LRRTM4: variants seen among roughly 807,000 people sequenced by gnomAD.
The protein encoded by LRRTM4 is leucine rich repeat transmembrane neuronal 4, also known as leucine-rich repeat transmembrane neuronal protein 4.
In LRRTM4, 25 loss-of-function variants were observed where a neutral mutation model predicts 47.6. That is an observed-to-expected ratio of 0.53 (90% confidence interval 0.38 to 0.73). The LOEUF (loss-of-function observed/expected upper bound fraction) is 0.73. Ranked by LOEUF, LRRTM4 falls within the 30% of genes least tolerant of loss-of-function variation. The probability of loss-of-function intolerance (pLI) is 0.00; values close to 1 mark genes in which losing one functional copy is unlikely to be tolerated. For missense variants in LRRTM4, 638 were observed against 713.4 expected (o/e 0.89, Z 1.20); for synonymous variants, 311 against 269.5 (o/e 1.15, Z -1.51).
intron 3 of LRRTM4, among the ~76,000 whole-genome samples, chr2:77,048,094 G>A (rs891887597): frequency 2.0e-5 from 3 of 151,844 alleles, no homozygotes; most frequent in Admixed American, 6.6e-5. Context: ...ATTTTGCTAT[G>A]TCATGAAAAT....
intron 3 of LRRTM4, among the ~76,000 whole-genome samples, chr2:77,048,418 A>C (rs1573498229): frequency 6.6e-6 from 1 of 152,066 alleles, no homozygotes; most frequent in Admixed American, 6.6e-5. Flanking sequence ...CAACTTTTAT[A>C]AATAAGCAAT....
At chr2:76,805,561 CCTT>C (rs1444997544) in intron 3 of LRRTM4, among the ~76,000 whole-genome samples, 1 of 152,076 alleles carries the variant, frequency 6.6e-6, no homozygotes, top group East Asian at 1.9e-4. Flanking sequence ...ATTAAATTCT[CCTT>C]CTACCAGTGA....
intron 3 of LRRTM4, among the ~76,000 whole-genome samples, chr2:77,299,901 G>T (rs10186898): frequency 0.02 from 2,919 of 147,158 alleles, 52 homozygotes; most frequent in African/African-American, 0.041. Context: ...TGCCAGGCTG[G>T]AGTGCAGTGG....
intron 3 of LRRTM4, among the ~76,000 whole-genome samples, chr2:77,079,312 G>A (rs1305934113): frequency 6.6e-6 from 1 of 152,160 alleles, no homozygotes. Context: ...TGGTTTGCAA[G>A]CCAAATATGA....
chr2:77,272,681 T>A (rs571214567), intron 3 of LRRTM4, among the ~76,000 whole-genome samples: 1 of 152,284 alleles, frequency 6.6e-6, no homozygotes, highest in South Asian at 2.1e-4. Context: ...GGGCAGGTCC[T>A]TCATGAATAA....
At chr2:77,011,147 T>G (rs1203759536) in intron 3 of LRRTM4, among the ~76,000 whole-genome samples, 1 of 152,136 alleles carries the variant, frequency 6.6e-6, no homozygotes, top group Non-Finnish European at 1.5e-5. Context: ...TAATCATGTC[T>G]TAGTAAAAAG....
intron 3 of LRRTM4, among the ~76,000 whole-genome samples, chr2:77,420,696 C>T (rs893872448): frequency 6.1e-5 from 9 of 147,280 alleles, no homozygotes; most frequent in Non-Finnish European, 1.0e-4. Context: ...CTTTTTTTTA[C>T]TAGGAAATAT....
intron 3 of LRRTM4, among the ~76,000 whole-genome samples, chr2:76,851,309 G>A (rs1671987269): frequency 6.6e-6 from 1 of 152,158 alleles, no homozygotes; most frequent in Admixed American, 6.6e-5. Context: ...AAAAAATGAT[G>A]CCATTCAAGC....
At chr2:77,032,564 A>G (rs1200600052) in intron 3 of LRRTM4, among the ~76,000 whole-genome samples, 1 of 152,114 alleles carries the variant, frequency 6.6e-6, no homozygotes. Flanking sequence ...AATTGAATAG[A>G]TGAAAAAAAG....
intron 3 of LRRTM4, among the ~76,000 whole-genome samples, chr2:77,157,234 CTG>C (rs903979585): frequency 2.6e-5 from 4 of 151,932 alleles, no homozygotes; most frequent in African/African-American, 7.3e-5. Context: ...AAGATGTAAA[CTG>C]TAGTACAGTT....
At chr2:77,424,306 A>G (rs1476981735) in intron 3 of LRRTM4, among the ~76,000 whole-genome samples, 1 of 152,224 alleles carries the variant, frequency 6.6e-6, no homozygotes, top group Admixed American at 6.5e-5. Context: ...ATTTTTAGAA[A>G]AAAATGTTGA....
chr2:76,843,303 T>C (rs1295319593), intron 3 of LRRTM4, among the ~76,000 whole-genome samples: 1 of 152,192 alleles, frequency 6.6e-6, no homozygotes, highest in Non-Finnish European at 1.5e-5. Context: ...TGAGGGCTTA[T>C]ATTAAATGTA....
intron 3 of LRRTM4, among the ~76,000 whole-genome samples, chr2:77,104,704 T>G (rs559113615): frequency 6.6e-6 from 1 of 152,268 alleles, no homozygotes; most frequent in African/African-American, 2.4e-5. Context: ...CTGGAACACT[T>G]GGTGGCGCCA....
Position 77,084,496 on chromosome 2 carries a change from G to A in LRRTM4, c.1552-335580C>T, listed in dbSNP as rs145370997. Among the ~76,000 whole-genome samples the A allele has an allele frequency of 3.5e-3, 532 of 152,226 alleles. 2 individuals carry two copies. Among genetic ancestry groups the A allele is most frequent in the African/African-American group, 8.5e-3 (355 of 41,540 alleles). On this transcript the variant is annotated intron_variant, in intron 3 of 3. Coordinates refer to ENST00000409884, the MANE Select transcript of LRRTM4 (RefSeq NM_001134745.3). ...TCACAGCCAGACATAACTACGTATCGTACTTAATATTTCCATATTTACCCT... is the reference window on the plus strand; with the variant it reads ...TCACAGCCAGACATAACTACGTATCATACTTAATATTTCCATATTTACCCT...
chr2:76,982,230 C>A (rs1177107646), intron 3 of LRRTM4, among the ~76,000 whole-genome samples: 3 of 151,926 alleles, frequency 2.0e-5, no homozygotes, highest in African/African-American at 7.2e-5. Flanking sequence ...CATTTGAATA[C>A]AGAAAAAGTA....
At position 76,869,049 on chromosome 2, in the gene LRRTM4, G is replaced by C. The variant is rs914478477; in HGVS notation, c.1552-120133C>G. Among the ~76,000 whole-genome samples the C allele has an allele frequency of 3.3e-5, 5 of 152,154 alleles. No individual in the cohort carries two copies. The East Asian group carries it at 9.7e-4, about 29-fold the overall frequency. ...AAGGTGGCCAGGCGCGGTGGCTCAC[G>C]CATGTAATCCCAGCACTTTGGGAGG... On this transcript the variant is annotated intron_variant, in intron 3 of 3. Transcript: ENST00000409884.
chr2:76,806,622 T>G (rs1045085883), intron 3 of LRRTM4, among the ~76,000 whole-genome samples: 7 of 151,920 alleles, frequency 4.6e-5, no homozygotes, highest in Non-Finnish European at 5.9e-5. Flanking sequence ...TATTTATAAA[T>G]GAATAACAGT....
chr2:76,838,694 C>T (rs1671587756), intron 3 of LRRTM4, among the ~76,000 whole-genome samples: 1 of 151,936 alleles, frequency 6.6e-6, no homozygotes, highest in Admixed American at 6.6e-5. Context: ...GAATAACATC[C>T]AGAAACATGT....
At chr2:77,260,958 T>C (rs12105266) in intron 3 of LRRTM4, among the ~76,000 whole-genome samples, 18,715 of 152,058 alleles carry the variant, frequency 0.12, 3,865 homozygotes, top group African/African-American at 0.42. Context: ...TATATTCACA[T>C]ATATTATACT....
Sources: allele counts gnomAD v4.1 joint callset (sites outside exome capture counted in the v4.1 genomes callset), GRCh38; gene constraint gnomAD v4.1.1; transcripts MANE v1.5; gene names NCBI Gene and HGNC (gene_info 2026-07-23, HGNC 2026-07-21).